Variants in SPAG16 observed in about 807,000 individuals in gnomAD.
The protein encoded by SPAG16 is sperm-associated antigen 16 protein.
A neutral mutation model predicts 80.4 loss-of-function variants in SPAG16; 86 were observed. The observed-to-expected ratio is 1.07, with a 90% CI of 0.90 to 1.28. The LOEUF (loss-of-function observed/expected upper bound fraction) is 1.28, where lower values mean the gene tolerates loss of function less well. Among genes scored for constraint, SPAG16 ranks in the 50% most tolerant of loss-of-function variants. SPAG16 has a pLI of 0.00. For missense variants in SPAG16, 870 were observed against 765.3 expected, an observed-to-expected ratio of 1.14 and a Z score of -1.61; for synonymous variants, 294 against 265.9, an observed-to-expected ratio of 1.11 and a Z score of -1.03.
intron 6 of SPAG16, among the ~76,000 whole-genome samples, chr2:213,342,545 T>C (rs1009748604): frequency 6.6e-6 from 1 of 151,742 alleles, no homozygotes; most frequent in African/African-American, 2.4e-5. Flanking sequence ...CTATCATCAA[T>C]GAGGTATAAT....
At chr2:213,408,212 C>G (rs552183752) in intron 9 of SPAG16, among the ~76,000 whole-genome samples, 2 of 152,280 alleles carry the variant, frequency 1.3e-5, no homozygotes, top group South Asian at 4.1e-4. Context: ...CTCCGTGACC[C>G]TGCAACACTC....
chr2:213,963,585 G>A (rs1022422669), intron 12 of SPAG16, among the ~76,000 whole-genome samples: 10 of 152,000 alleles, frequency 6.6e-5, no homozygotes, highest in African/African-American at 2.2e-4. Context: ...TATCCTTCTT[G>A]CGCTTCTGCC....
intron 13 of SPAG16, among the ~76,000 whole-genome samples, chr2:214,071,567 A>G (rs573800644): frequency 2.6e-5 from 4 of 152,168 alleles, no homozygotes; most frequent in African/African-American, 4.8e-5. Context: ...TGATTTTTCT[A>G]TATTAACCCA....
chr2:213,675,567 G>T (rs1356626766), intron 10 of SPAG16, among the ~76,000 whole-genome samples: 1 of 152,148 alleles, frequency 6.6e-6, no homozygotes, highest in African/African-American at 2.4e-5. Flanking sequence ...TTTGTATAAG[G>T]TGTAAGGAAG....
chr2:213,381,025 G>T (rs2067145175), intron 9 of SPAG16, among the ~76,000 whole-genome samples: 1 of 152,098 alleles, frequency 6.6e-6, no homozygotes, highest in South Asian at 2.1e-4. Flanking sequence ...TCTATTTCAA[G>T]AATACAATCA....
At chr2:213,464,391 A>G (rs2072559297) in intron 9 of SPAG16, among the ~76,000 whole-genome samples, 1 of 152,186 alleles carries the variant, frequency 6.6e-6, no homozygotes, top group Admixed American at 6.5e-5. Flanking sequence ...TGAAGATGGT[A>G]CTGTATACCT....
intron 10 of SPAG16, among the ~76,000 whole-genome samples, chr2:213,661,710 G>T (rs923786243): frequency 6.6e-6 from 1 of 152,036 alleles, no homozygotes; most frequent in Admixed American, 6.5e-5. Flanking sequence ...TTAAAAGTTT[G>T]TTTTAAAAAG....
intron 14 of SPAG16, among the ~76,000 whole-genome samples, chr2:214,126,644 A>G (rs922418001): frequency 2.6e-5 from 4 of 151,814 alleles, no homozygotes; most frequent in African/African-American, 9.7e-5. Flanking sequence ...TGAGCACTAT[A>G]TTAATCAATA....
intron 10 of SPAG16, 82 bp from the exon 11 acceptor site, chr2:213,862,403 A>G: frequency 6.5e-7 from 1 of 1,537,858 alleles, no homozygotes; most frequent in Non-Finnish European, 8.9e-7. Context: ...AAATCGGATA[A>G]TCACTGCCAT....
chr2:213,612,648 T>G (rs1473692982), intron 10 of SPAG16, among the ~76,000 whole-genome samples: 1 of 152,206 alleles, frequency 6.6e-6, no homozygotes, highest in Admixed American at 6.5e-5. Context: ...TCGCGCTCAC[T>G]GCTCCACTTG....
rs199972699 is a variant in SPAG16, at chr2:213,655,881, C to T, written c.1070+165791C>T. Among the ~76,000 whole-genome samples, 17 of 152,158 alleles carry T rather than the reference C, an allele frequency of 1.1e-4. No homozygotes were observed. In the East Asian group the frequency reaches 2.3e-3, roughly 21 times the overall value. ...TCATAAGTGAAAAGGAAATTGTTTT[C>T]GTTTATTTTAGCTTTATATTAAAAA... On this transcript the variant is annotated intron_variant, in intron 10 of 15. Coordinates refer to ENST00000331683, the MANE Select transcript of SPAG16 (RefSeq NM_024532.5).
chr2:214,232,672 T>A (rs1029746909), intron 15 of SPAG16, among the ~76,000 whole-genome samples: 11 of 152,136 alleles, frequency 7.2e-5, no homozygotes, highest in Non-Finnish European at 1.3e-4. Context: ...ATTTTAAATT[T>A]CTTTAAATAT....
intron 15 of SPAG16, among the ~76,000 whole-genome samples, chr2:214,327,936 A>T (rs1285611501): frequency 6.6e-6 from 1 of 152,222 alleles, no homozygotes; most frequent in Non-Finnish European, 1.5e-5. Flanking sequence ...ATACTAGAGT[A>T]TCAGCAGGGT....
chr2:213,602,788 T>C (rs977677448), intron 10 of SPAG16, among the ~76,000 whole-genome samples: 1 of 152,258 alleles, frequency 6.6e-6, no homozygotes, highest in Non-Finnish European at 1.5e-5. Flanking sequence ...TTTCTTAGTT[T>C]TATATATTGA....
At chr2:213,976,135 T>C (rs199959749) in intron 12 of SPAG16, among the ~76,000 whole-genome samples, 4,721 of 81,334 alleles carry the variant, frequency 0.058, 337 homozygotes, top group African/African-American at 0.16. Flanking sequence ...TATATATATA[T>C]ACACACACAC....
At chr2:213,697,693 A>G (rs1162342519) in intron 10 of SPAG16, among the ~76,000 whole-genome samples, 1 of 152,212 alleles carries the variant, frequency 6.6e-6, no homozygotes, top group East Asian at 1.9e-4. Context: ...AGTTTGTGGT[A>G]CTGTGTTGCA....
chr2:214,264,269 A>T (rs1451575164), intron 15 of SPAG16, among the ~76,000 whole-genome samples: 2 of 152,010 alleles, frequency 1.3e-5, no homozygotes, highest in African/African-American at 4.8e-5. Flanking sequence ...AATTAAAACC[A>T]TCTCTGTGGA....
chr2:213,958,124 G>C (rs1401268755), intron 12 of SPAG16, among the ~76,000 whole-genome samples: 1 of 152,164 alleles, frequency 6.6e-6, no homozygotes, highest in Non-Finnish European at 1.5e-5. Flanking sequence ...GCAAAAGAGA[G>C]AGCAAAATAC....
intron 10 of SPAG16, among the ~76,000 whole-genome samples, chr2:213,821,972 T>A (rs2125695391): frequency 6.6e-6 from 1 of 152,308 alleles, no homozygotes; most frequent in African/African-American, 2.4e-5. Context: ...TTAGGTTGCT[T>A]CCAAATCTTG....
Sources: gnomAD v4.1 joint callset for allele counts (sites outside exome capture counted in the v4.1 genomes callset) on GRCh38, gnomAD v4.1.1 for gene constraint, MANE v1.5 for transcripts, NCBI Gene and HGNC (gene_info 2026-07-23, HGNC 2026-07-21) for gene names.